Variants in FH observed in about 807,000 individuals in gnomAD.
The protein encoded by FH is fumarate hydratase.
A neutral mutation model predicts 49.4 loss-of-function variants in FH; 22 were observed. That is an observed-to-expected ratio of 0.45 (90% confidence interval 0.32 to 0.64). FH has a LOEUF of 0.64. Ranked by LOEUF, FH falls within the 30% of genes least tolerant of loss-of-function variation. FH has a pLI of 0.05. For missense variants in FH, 526 were observed against 641.5 expected (o/e 0.82, Z 1.95); for synonymous variants, 208 against 223.0 (o/e 0.93, Z 0.60).
At chr1:241,511,892 T>G in intron 4 of FH, 75 bp downstream of exon 4, 1 of 1,414,252 alleles carries the variant, frequency 7.1e-7, no homozygotes, top group Admixed American at 1.7e-5. Context: ...AAAAAGTGAA[T>G]GCTTGTTTTA....
rs56361117 is a variant in FH at position 241,498,694 on chromosome 1, CATATATATATATATATATATATATAT to C, written c.1391-750_1391-725del. 9.1e-3 allele frequency among the ~76,000 whole-genome samples: 483 copies of C among 53,178 alleles called. 35 individuals carry two copies. The highest frequency in any genetic ancestry group is 0.026 in the South Asian group (36 of 1,408). 34.9% of individuals were successfully genotyped at this position (53,178 alleles called of 152,430 possible). ...AGGGCAGTTCTGCAAGCTGTCTTAACATATATATATATATATATATATATATATATATATATATATATATATATGTC... is the reference window on the plus strand; with the variant it reads ...AGGGCAGTTCTGCAAGCTGTCTTAACATATATATATATATATATATATGTC... On this transcript the variant is annotated intron_variant, in intron 9 of 9. Transcript: ENST00000366560.
At chr1:241,511,940 A>G (rs1235343862) in intron 4 of FH, 27 bp downstream of exon 4, 7 of 1,610,068 alleles carry the variant, frequency 4.3e-6, no homozygotes, top group Non-Finnish European at 5.9e-6. Context: ...ATTTATAACC[A>G]AAAAACAGCA....
At chr1:241,509,231 TTA>T (rs1301641511) in intron 4 of FH, among the ~76,000 whole-genome samples, 2 of 151,944 alleles carry the variant, frequency 1.3e-5, no homozygotes, top group Admixed American at 1.3e-4. Flanking sequence ...AATTATTGAA[TTA>T]TATATTCTTA....
At chr1:241,513,233 T>A (rs551257161) in intron 3 of FH, among the ~76,000 whole-genome samples, 2 of 152,244 alleles carry the variant, frequency 1.3e-5, no homozygotes, top group African/African-American at 4.8e-5. Context: ...GTTATTAGCA[T>A]ATTAGTAAAA....
chr1:241,512,933 GTGTGTA>G (rs1391118960), intron 3 of FH, among the ~76,000 whole-genome samples: 1 of 151,854 alleles, frequency 6.6e-6, no homozygotes, highest in Non-Finnish European at 1.5e-5. Context: ...GTGTGTGTGT[GTGTGTA>G]TATGAGAAAC....
At chr1:241,508,543 T>C in intron 5 of FH, 60 bp downstream of exon 5, 2 of 1,442,370 alleles carry the variant, frequency 1.4e-6, no homozygotes, top group East Asian at 2.3e-5. Flanking sequence ...ATTTCAAGGA[T>C]GACACATTGG....
chr1:241,499,615 G>T (rs1259909018), intron 9 of FH, among the ~76,000 whole-genome samples: 2 of 152,182 alleles, frequency 1.3e-5, no homozygotes, highest in African/African-American at 2.4e-5. Context: ...TGCCTTGAAA[G>T]TTCAAGATTA....
intron 6 of FH, 28 bp from the exon 7 acceptor site, chr1:241,504,273 G>A: frequency 6.3e-7 from 1 of 1,590,304 alleles, no homozygotes; most frequent in Non-Finnish European, 8.6e-7. Context: ...ATCCTAGATG[G>A]GTGAACAAGT....
At chr1:241,512,229 A>C in intron 3 of FH, 86 bp from the exon 4 acceptor site, 1 of 1,177,610 alleles carries the variant, frequency 8.5e-7, no homozygotes. Flanking sequence ...GTTGACCCAC[A>C]TATCTAAGCT....
At chr1:241,514,289 A>G (rs1338416346) in intron 2 of FH, among the ~76,000 whole-genome samples, 1 of 152,210 alleles carries the variant, frequency 6.6e-6, no homozygotes, top group Non-Finnish European at 1.5e-5. Flanking sequence ...TAAAGCCTTA[A>G]TACTCAGTAA....
At chr1:241,509,821 A>G (rs1660035961) in intron 4 of FH, among the ~76,000 whole-genome samples, 1 of 145,562 alleles carries the variant, frequency 6.9e-6, no homozygotes, top group South Asian at 2.2e-4. Flanking sequence ...ACACACACAC[A>G]CACGCATGCA....
intron 2 of FH, 62 bp from the exon 3 acceptor site, chr1:241,513,775 T>C (rs1221667396): frequency 7.5e-7 from 1 of 1,335,566 alleles, no homozygotes; most frequent in African/African-American, 1.5e-5. Context: ...AAGTTTATTA[T>C]TTTGGCAGAT....
In FH at chr1:241,516,798, G is replaced by A. The variant is rs189810331; in HGVS notation, c.267+384C>T. On this transcript the variant is annotated intron_variant, in intron 2 of 9. Transcript: ENST00000366560. ...CTCCAGAGTAATTGGGACTACAGGC[G>A]CGCGCCACCGTGCCCGGCTAATTTT... Among the ~76,000 whole-genome samples the A allele has an allele frequency of 4.1e-3, 621 of 151,980 alleles. 6 individuals carry two copies. The highest frequency in any genetic ancestry group is 0.014 in the African/African-American group (585 of 41,450).
chr1:241,515,736 G>A (rs898371683), intron 2 of FH, among the ~76,000 whole-genome samples: 9 of 152,054 alleles, frequency 5.9e-5, no homozygotes, highest in East Asian at 5.8e-4. Flanking sequence ...TTCATACTCC[G>A]GTTGGGCTCC....
At chr1:241,514,661 T>G (rs1283749127) in intron 2 of FH, among the ~76,000 whole-genome samples, 1 of 151,964 alleles carries the variant, frequency 6.6e-6, no homozygotes, top group Middle Eastern at 3.2e-3. Flanking sequence ...AAGTAAGAAA[T>G]AAGACACATT....
chr1:241,511,923 C>T (rs201671526), intron 4 of FH, 44 bp downstream of exon 4: 7 of 1,590,688 alleles, frequency 4.4e-6, no homozygotes, highest in Non-Finnish European at 5.2e-6. Context: ...CTCAGGTATG[C>T]TTTTCAATTT....
intron 2 of FH, 98 bp from the exon 3 acceptor site, chr1:241,513,811 CAAT>C (rs1322619113): frequency 8.9e-6 from 8 of 894,040 alleles, no homozygotes; most frequent in Non-Finnish European, 1.5e-5. Flanking sequence ...AAAACAATAA[CAAT>C]AAAACAGTAA....
chr1:241,505,763 A>T (rs1176448135), intron 6 of FH, among the ~76,000 whole-genome samples: 1 of 152,266 alleles, frequency 6.6e-6, no homozygotes, highest in Non-Finnish European at 1.5e-5. Context: ...ACTAACTAGT[A>T]AACAAAGCTA....
rs12058914 is a variant in FH at position 241,501,810 on chromosome 1, C to T, written c.1236+633G>A. Among the ~76,000 whole-genome samples the T allele has an allele frequency of 5.9e-5, 9 of 152,136 alleles. No homozygotes were observed. In the South Asian group the frequency reaches 1.0e-3, roughly 18 times the overall value. On this transcript the variant is annotated intron_variant, in intron 8 of 9. Coordinates refer to ENST00000366560, the MANE Select transcript of FH (RefSeq NM_000143.4). Reference sequence around the variant, plus strand: ...CTGAGGAAACTGATGAGAAATGGCGCGATGCATCTATCGATCTTCGTAAAG... The same window carrying T: ...CTGAGGAAACTGATGAGAAATGGCGTGATGCATCTATCGATCTTCGTAAAG...
Sources: gnomAD v4.1 joint callset for allele counts (sites outside exome capture counted in the v4.1 genomes callset) on GRCh38, gnomAD v4.1.1 for gene constraint, MANE v1.5 for transcripts, NCBI Gene and HGNC (gene_info 2026-07-23, HGNC 2026-07-21) for gene names.